The following TLE1 variants were observed in gnomAD, a reference collection of about 807,000 sequenced individuals.
The protein encoded by TLE1 is TLE family member 1, transcriptional corepressor.
A neutral mutation model predicts 89.8 loss-of-function variants in TLE1; 21 were observed. That is an observed-to-expected ratio of 0.23 (90% CI 0.17 to 0.34). The LOEUF is 0.34. Ranked by LOEUF, TLE1 falls within the 10% of genes least tolerant of loss-of-function variation. The pLI is 1.00. For missense variants in TLE1, 795 were observed against 1,031.2 expected, an observed-to-expected ratio of 0.77 and a Z score of 3.14; for synonymous variants, 447 against 407.6, an observed-to-expected ratio of 1.10 and a Z score of -1.16.
chr9:81,646,655 A>G (rs1297557804), intron 6 of TLE1, among the ~76,000 whole-genome samples: 2 of 152,180 alleles, frequency 1.3e-5, no homozygotes, highest in Non-Finnish European at 2.9e-5. Flanking sequence ...ATAATCCAAC[A>G]TTTTACTAAT....
chr9:81,624,804 A>T (rs1295769993), intron 8 of TLE1, among the ~76,000 whole-genome samples: 2 of 152,150 alleles, frequency 1.3e-5, no homozygotes. Flanking sequence ...AAACAAAATC[A>T]CCTTATTTAC....
intron 4 of TLE1, among the ~76,000 whole-genome samples, chr9:81,655,978 A>G (rs538204375): frequency 1.3e-5 from 2 of 152,326 alleles, no homozygotes; most frequent in Admixed American, 6.5e-5. Context: ...CTTTGGTTTT[A>G]TAAGATTGGA....
At chr9:81,677,098 C>T (rs545402049) in intron 4 of TLE1, among the ~76,000 whole-genome samples, 1 of 152,082 alleles carries the variant, frequency 6.6e-6, no homozygotes, top group African/African-American at 2.4e-5. Flanking sequence ...TAGCTGGGTC[C>T]GTGGTGGCAC....
At chr9:81,633,866 G>T in intron 7 of TLE1, 1 of 494,496 alleles carries the variant, frequency 2.0e-6, no homozygotes, top group Non-Finnish European at 3.5e-6. Context: ...CAGTTGCCAA[G>T]ATGTCAAGAT....
intron 4 of TLE1, among the ~76,000 whole-genome samples, chr9:81,682,299 A>G (rs2133127617): frequency 6.6e-6 from 1 of 151,670 alleles, no homozygotes; most frequent in African/African-American, 2.4e-5. Context: ...ACCCTGGAGG[A>G]GGCAACCCAA....
At chr9:81,641,709 G>A (rs1330981478) in intron 6 of TLE1, among the ~76,000 whole-genome samples, 3 of 152,060 alleles carry the variant, frequency 2.0e-5, no homozygotes, top group South Asian at 2.1e-4. Flanking sequence ...TGAAGGAAAC[G>A]CAAATCAGAG....
intron 4 of TLE1, among the ~76,000 whole-genome samples, chr9:81,662,359 TTTTG>T (rs774386018): frequency 2.2e-5 from 2 of 91,812 alleles, no homozygotes; most frequent in Non-Finnish European, 4.4e-5. Context: ...AGTGTGCCTG[TTTTG>T]TGTGTGTGTG....
intron 8 of TLE1, among the ~76,000 whole-genome samples, chr9:81,626,234 T>G (rs1185147726): frequency 6.6e-6 from 1 of 152,142 alleles, no homozygotes; most frequent in Non-Finnish European, 1.5e-5. Flanking sequence ...TGGAAACTCG[T>G]GACACCTCAT....
Position 81,688,552 on chromosome 9 carries a change from G to A in TLE1, c.-312C>T, listed in dbSNP as rs1373277448. The A allele has an allele frequency of 6.3e-6, 2 of 315,560 alleles. No homozygotes were observed. Among genetic ancestry groups the A allele is most frequent in the East Asian group, 5.2e-5 (1 of 19,272 alleles). 19.5% of individuals were successfully genotyped at this position (315,560 alleles called of 1,614,324 possible). A position where few individuals can be genotyped will look rare whatever the true frequency, so the allele number is the denominator to read the frequency against. On this transcript the variant is annotated 5_prime_UTR_variant, in exon 1 of 20. Coordinates refer to ENST00000376499, the MANE Select transcript of TLE1 (RefSeq NM_005077.5). ...GCGCGGGGGCAGCGCTCCAACCCCC[G>A]GCCTCAGCTGCCCGGGCGGGGAGGC...
intron 8 of TLE1, among the ~76,000 whole-genome samples, chr9:81,630,621 TA>T (rs1175298739): frequency 6.6e-6 from 1 of 152,184 alleles, no homozygotes; most frequent in Non-Finnish European, 1.5e-5. Context: ...CATGAGGCCA[TA>T]AGGCTTTGAA....
chr9:81,663,654 G>A (rs1321102264), intron 4 of TLE1, among the ~76,000 whole-genome samples: 7 of 142,148 alleles, frequency 4.9e-5, no homozygotes, highest in Admixed American at 2.9e-4. Flanking sequence ...ATGGAGTCTC[G>A]CTCTGTCACC....
intron 15 of TLE1, among the ~76,000 whole-genome samples, 187 bp downstream of exon 15, chr9:81,592,838 A>T (rs1829733446): frequency 6.6e-6 from 1 of 152,224 alleles, no homozygotes; most frequent in Admixed American, 6.5e-5. Flanking sequence ...GGATTTAGCC[A>T]GTACAACAGC....
intron 4 of TLE1, among the ~76,000 whole-genome samples, chr9:81,665,039 C>T (rs1286609471): frequency 6.6e-6 from 1 of 152,186 alleles, no homozygotes; most frequent in Non-Finnish European, 1.5e-5. Context: ...CCTGGGAGAA[C>T]AGACTAAAAT....
intron 10 of TLE1, 83 bp downstream of exon 10, chr9:81,616,563 A>C: frequency 1.4e-6 from 2 of 1,480,224 alleles, no homozygotes; most frequent in Non-Finnish European, 1.9e-6. Context: ...GAGGGGCTCT[A>C]CTTCCTTCAT....
chr9:81,684,832 C>A (rs1834063372), intron 4 of TLE1, among the ~76,000 whole-genome samples: 1 of 152,214 alleles, frequency 6.6e-6, no homozygotes, highest in Admixed American at 6.5e-5. Context: ...AATACTTACA[C>A]CCTGCCATTA....
chr9:81,593,313 T>C (rs751343916), intron 14 of TLE1, 39 bp from the exon 15 acceptor site: 2 of 1,572,124 alleles, frequency 1.3e-6, no homozygotes, highest in Admixed American at 1.8e-5. Context: ...AGAAAACACA[T>C]TTACAGAGGA....
chr9:81,633,226 G>C (rs1192210522), intron 8 of TLE1, 122 bp downstream of exon 8: 3 of 1,474,270 alleles, frequency 2.0e-6, no homozygotes, highest in Admixed American at 2.0e-5. Flanking sequence ...GTCACTGAGA[G>C]AGACAGGGAG....
At chr9:81,623,615 CTT>C (rs1409117899) in intron 8 of TLE1, among the ~76,000 whole-genome samples, 1 of 112,646 alleles carries the variant, frequency 8.9e-6, no homozygotes, top group Non-Finnish European at 1.7e-5. Context: ...CCCATCTGTA[CTT>C]AAAAAAAAAA....
At chr9:81,674,131 G>C (rs1225972806) in intron 4 of TLE1, among the ~76,000 whole-genome samples, 1 of 152,122 alleles carries the variant, frequency 6.6e-6, no homozygotes, top group Non-Finnish European at 1.5e-5. Flanking sequence ...CACAGAGAAA[G>C]AACAGCCCTT....
Sources: gnomAD v4.1 joint callset for allele counts (sites outside exome capture counted in the v4.1 genomes callset) on GRCh38, gnomAD v4.1.1 for gene constraint, MANE v1.5 for transcripts, NCBI Gene and HGNC (gene_info 2026-07-23, HGNC 2026-07-21) for gene names.